PADI4: variants seen among roughly 807,000 people sequenced by gnomAD.
The protein encoded by PADI4 is protein-arginine deiminase type-4.
PADI4 carries 62 observed loss-of-function variants against 75.0 expected under a neutral mutation model. The observed-to-expected ratio is 0.83, with a 90% CI of 0.67 to 1.02. The LOEUF (loss-of-function observed/expected upper bound fraction) is 1.02, where lower values mean the gene tolerates loss of function less well. Among genes scored for constraint, PADI4 ranks in the 50% least tolerant of loss-of-function variants. PADI4 has a pLI of 0.00. For synonymous variants in PADI4, 361 were observed against 348.1 expected (o/e 1.04, Z -0.41); for missense variants, 845 against 850.5 (o/e 0.99, Z 0.08).
At chr1:17,319,084 C>T (rs2073991115) in intron 1 of PADI4, among the ~76,000 whole-genome samples, 2 of 152,124 alleles carry the variant, frequency 1.3e-5, no homozygotes, top group Non-Finnish European at 1.5e-5. Flanking sequence ...GCTGGGATTA[C>T]AGGCGGGAGC....
chr1:17,361,712 CAG>C (rs1272596322), intron 15 of PADI4, among the ~76,000 whole-genome samples: 1 of 152,200 alleles, frequency 6.6e-6, no homozygotes, highest in East Asian at 1.9e-4. Context: ...TATTGAATAG[CAG>C]AGTTAGGATT....
At chr1:17,322,493 C>CA (rs1553143295) in intron 1 of PADI4, among the ~76,000 whole-genome samples, 12 of 149,644 alleles carry the variant, frequency 8.0e-5, no homozygotes, top group Middle Eastern at 6.8e-3. Context: ...CATCCCCCCC[C>CA]AAAAAAAAAG....
intron 10 of PADI4, among the ~76,000 whole-genome samples, chr1:17,353,742 A>G (rs72918705): frequency 0.049 from 7,446 of 152,134 alleles, 601 homozygotes; most frequent in African/African-American, 0.17. Flanking sequence ...GGAATGCGGG[A>G]GGGCCTGTGA....
At position 17,356,253 on chromosome 1, in the gene PADI4, C is replaced by T; in HGVS notation, c.1456-104C>T. On this transcript the variant is annotated intron_variant, in intron 12 of 15. Transcript: ENST00000375448. The surrounding 1 kb of genome is among the most constrained non-coding windows in gnomAD (Gnocchi z 4.1). ...TTAGGATGGCAGTAGAGGAGGTGGC[C>T]AGCTTGGGTCCAAGTCCACACTACT... 7.7e-7 allele frequency: 1 copy of T among 1,299,880 alleles called. No homozygotes were observed. Among genetic ancestry groups the T allele is most frequent in the Non-Finnish European group, 1.1e-6 (1 of 934,566 alleles). 80.5% of individuals were successfully genotyped at this position (1,299,880 alleles called of 1,614,324 possible).
chr1:17,342,435 G>C, intron 8 of PADI4, 33 bp downstream of exon 8: 1 of 1,312,554 alleles, frequency 7.6e-7, no homozygotes, highest in Middle Eastern at 1.9e-4. Flanking sequence ...GGTGGGTCCA[G>C]ACAACAAAGA....
At chr1:17,313,085 G>C (rs569175777) in intron 1 of PADI4, among the ~76,000 whole-genome samples, 61 of 152,212 alleles carry the variant, frequency 4.0e-4, no homozygotes, top group African/African-American at 1.3e-3. Flanking sequence ...AGCTACTCGC[G>C]AGGGTGAGGC....
chr1:17,351,503 A>G lies in PADI4; in HGVS notation c.1156-3030A>G, dbSNP rs943045471. 4.3e-4 allele frequency among the ~76,000 whole-genome samples: 64 copies of G among 150,112 alleles called. 1 individual carries two copies. Among genetic ancestry groups the G allele is most frequent in the Non-Finnish European group, 1.9e-4 (13 of 67,594 alleles). ...TGCATGCCTATAGTTCCAGCTACTT[A>G]GGAGGCTGAGGTGGCAGGACCCTTG... On this transcript the variant is annotated intron_variant, in intron 10 of 15. Transcript: ENST00000375448.
At chr1:17,336,360 T>A in intron 4 of PADI4, 134 bp downstream of exon 4, 1 of 643,070 alleles carries the variant, frequency 1.6e-6, no homozygotes, top group Non-Finnish European at 2.8e-6. Context: ...AAAATTAGCA[T>A]CACCATTAAT....
intron 6 of PADI4, 124 bp downstream of exon 6, chr1:17,339,937 CA>C: frequency 9.7e-7 from 1 of 1,035,916 alleles, no homozygotes; most frequent in Non-Finnish European, 1.4e-6. Context: ...ACAGCAGACG[CA>C]GCAGTGGGCA....
chr1:17,310,881 A>G (rs2073811605), intron 1 of PADI4, among the ~76,000 whole-genome samples: 1 of 152,018 alleles, frequency 6.6e-6, no homozygotes, highest in Admixed American at 6.6e-5. Flanking sequence ...GGCGGATCAC[A>G]AGGTCAGGAG....
chr1:17,354,451 T>C, intron 10 of PADI4, 82 bp from the exon 11 acceptor site: 1 of 1,232,678 alleles, frequency 8.1e-7, no homozygotes, highest in East Asian at 2.3e-5. Flanking sequence ...TGTGCCCAAG[T>C]TCATCTCTAA....
rs115979039 is a variant in PADI4 at position 17,348,492 on chromosome 1, G to A, written c.1155+444G>A. Among the ~76,000 whole-genome samples the A allele has an allele frequency of 5.6e-3, 849 of 152,230 alleles. 10 individuals are homozygous for A. Among genetic ancestry groups the A allele is most frequent in the African/African-American group, 0.019 (809 of 41,510 alleles). ...TCAGTGGATCAGTGGTCATTTCCTG[G>A]GTGTGACTTTATCAGCCACAGGCTG... On this transcript the variant is annotated intron_variant, in intron 10 of 15. Transcript: ENST00000375448.
At chr1:17,312,831 G>A (rs576420046) in intron 1 of PADI4, among the ~76,000 whole-genome samples, 2 of 151,546 alleles carry the variant, frequency 1.3e-5, no homozygotes, top group South Asian at 2.1e-4. Flanking sequence ...TTTCCTTGTC[G>A]GCAAATTGTG....
chr1:17,311,536 T>C (rs987447131), intron 1 of PADI4, among the ~76,000 whole-genome samples: 2 of 151,560 alleles, frequency 1.3e-5, no homozygotes, highest in Non-Finnish European at 2.9e-5. Context: ...TTTTTTTTTT[T>C]TTTAAAAACG....
In PADI4 at chr1:17,308,287, G is replaced by A. The variant is rs2100634141; in HGVS notation, c.65G>A (p.Gly22Asp). 1 of 1,614,088 alleles carries A rather than the reference G, an allele frequency of 6.2e-7. No homozygotes were observed. Among genetic ancestry groups the A allele is most frequent in the Non-Finnish European group, 8.5e-7 (1 of 1,179,998 alleles). ...CCCACCCATGCCGTGTGTGTGCTGG[G>A]CACCTTGACTCAGCTTGACATCTGC... Reference protein sequence around the residue: ...EQPTHAVCVLGTLTQLDICSS... With the variant: ...EQPTHAVCVLDTLTQLDICSS... Residue 22 changes from glycine to aspartate, a missense_variant, in exon 1 of 16, where the codon GGC becomes GAC. Gly to Asp is a moderately conservative substitution (Grantham distance 94). Transcript: ENST00000375448.
At chr1:17,329,814 T>C (rs889085682) in intron 1 of PADI4, among the ~76,000 whole-genome samples, 1 of 152,244 alleles carries the variant, frequency 6.6e-6, no homozygotes, top group Non-Finnish European at 1.5e-5. Flanking sequence ...CCGACTTTCC[T>C]TTCTGAATGC....
rs11576537 is a variant in PADI4, at chr1:17,310,790, G to A, written c.92+2476G>A. ...AGCCTGGCCAACATGGGGAAACCCC[G>A]TCTCTACTAAAAATACAAAAAAATT... On this transcript the variant is annotated intron_variant, in intron 1 of 15. Coordinates refer to ENST00000375448, the MANE Select transcript of PADI4 (RefSeq NM_012387.3). 4.5e-3 allele frequency among the ~76,000 whole-genome samples: 688 copies of A among 152,086 alleles called. 6 individuals carry two copies. The highest frequency in any genetic ancestry group is 0.016 in the African/African-American group (653 of 41,494).
At chr1:17,355,345 A>T (rs1044209305) in intron 11 of PADI4, among the ~76,000 whole-genome samples, 2 of 152,332 alleles carry the variant, frequency 1.3e-5, no homozygotes, top group East Asian at 3.9e-4. Context: ...TGAGGTCAGG[A>T]GTTCGAGACC....
chr1:17,342,268 C>T (rs1468561141), intron 7 of PADI4, 31 bp from the exon 8 acceptor site: 2 of 1,416,066 alleles, frequency 1.4e-6, no homozygotes, highest in Admixed American at 3.4e-5. Flanking sequence ...GCGGTGACAG[C>T]CCCTCCTTCC....
Sources: allele counts gnomAD v4.1 joint callset (sites outside exome capture counted in the v4.1 genomes callset), GRCh38; gene constraint gnomAD v4.1.1; non-coding constraint Gnocchi (gnomAD v3.1); transcripts MANE v1.5; gene names NCBI Gene and HGNC (gene_info 2026-07-23, HGNC 2026-07-21).